Variants in ADAM12 observed in about 807,000 individuals in gnomAD.
ADAM12 encodes disintegrin and metalloproteinase domain-containing protein 12.
A neutral mutation model predicts 106.4 loss-of-function variants in ADAM12; 70 were observed. That is an observed-to-expected ratio of 0.66 (90% CI 0.54 to 0.80). The LOEUF (loss-of-function observed/expected upper bound fraction) is 0.80. Among genes scored for constraint, ADAM12 ranks in the 30% least tolerant of loss-of-function variants. The pLI is 0.00. For synonymous variants in ADAM12, 420 were observed against 433.5 expected (o/e 0.97, Z 0.39); for missense variants, 1,010 against 1,171.9 (o/e 0.86, Z 2.02).
chr10:126,102,646 G>A (rs747706131), intron 8 of ADAM12, among the ~76,000 whole-genome samples: 1 of 152,310 alleles, frequency 6.6e-6, no homozygotes, highest in East Asian at 1.9e-4. Context: ...AATATATGCT[G>A]ATTGCATTGG....
intron 1 of ADAM12, among the ~76,000 whole-genome samples, chr10:126,360,100 G>T (rs566431884): frequency 6.6e-6 from 1 of 152,290 alleles, no homozygotes; most frequent in South Asian, 2.1e-4. Flanking sequence ...CAGCTGGAAT[G>T]CAGGGTACCA....
chr10:126,265,343 G>A (rs899347948), intron 3 of ADAM12, among the ~76,000 whole-genome samples: 2 of 152,182 alleles, frequency 1.3e-5, no homozygotes, highest in South Asian at 2.1e-4. Context: ...AATAAAAGAA[G>A]AAAGAATGAT....
At chr10:126,264,728 G>GT (rs1959065125) in intron 3 of ADAM12, among the ~76,000 whole-genome samples, 1 of 151,878 alleles carries the variant, frequency 6.6e-6, no homozygotes, top group South Asian at 2.1e-4. Context: ...TTGTTTTTTT[G>GT]TTTTTTGTTT....
intron 2 of ADAM12, among the ~76,000 whole-genome samples, chr10:126,301,547 C>T (rs1008445190): frequency 6.6e-6 from 1 of 152,050 alleles, no homozygotes; most frequent in African/African-American, 2.4e-5. Context: ...GAAGAACCTC[C>T]ACATTTCTAG....
In ADAM12 at chr10:126,274,734, G is replaced by A. The variant is rs567263302; in HGVS notation, c.260+4181C>T. Among the ~76,000 whole-genome samples the A allele has an allele frequency of 1.2e-3, 184 of 152,260 alleles. 1 individual carries two copies. The highest frequency in any genetic ancestry group is 3.2e-3 in the African/African-American group (134 of 41,538). On this transcript the variant is annotated intron_variant, in intron 3 of 22. Coordinates refer to ENST00000448723, the MANE Select transcript of ADAM12 (RefSeq NM_001288973.2). Reference sequence around the variant, plus strand: ...AAGGCCACCGGCAGCAACCTCAGTCGCCCTCTTCAACATGGGTTGGGTCAA... The same window carrying A: ...AAGGCCACCGGCAGCAACCTCAGTCACCCTCTTCAACATGGGTTGGGTCAA...
intron 2 of ADAM12, among the ~76,000 whole-genome samples, chr10:126,288,632 G>C (rs796238105): frequency 1.3e-5 from 2 of 152,054 alleles, no homozygotes; most frequent in African/African-American, 4.8e-5. Flanking sequence ...GTGGCCCCAA[G>C]GACAGGACCA....
At chr10:126,379,738 G>A (rs1357505005) in intron 1 of ADAM12, among the ~76,000 whole-genome samples, 1 of 126,640 alleles carries the variant, frequency 7.9e-6, no homozygotes, top group Non-Finnish European at 1.7e-5. Context: ...TGTACTCCCA[G>A]TATTTCAATT....
At chr10:126,213,469 A>C (rs145959324) in intron 3 of ADAM12, among the ~76,000 whole-genome samples, 1 of 152,362 alleles carries the variant, frequency 6.6e-6, no homozygotes, top group Non-Finnish European at 1.5e-5. Context: ...CAAGAAGCTA[A>C]TAATTGATCA....
chr10:126,059,912 T>G (rs530148831), intron 14 of ADAM12, among the ~76,000 whole-genome samples: 21 of 152,254 alleles, frequency 1.4e-4, no homozygotes, highest in Non-Finnish European at 7.3e-5. Flanking sequence ...GTAAAGGTCA[T>G]GTCATATTGA....
intron 6 of ADAM12, among the ~76,000 whole-genome samples, chr10:126,116,712 G>A (rs1955990167): frequency 6.6e-6 from 1 of 152,008 alleles, no homozygotes. Context: ...CAGAAGACGT[G>A]AGGGTTACAC....
rs182480088 is a variant in ADAM12, at chr10:126,151,178, G to T, written c.339+4049C>A. Among the ~76,000 whole-genome samples, 10 of 152,224 alleles carry T rather than the reference G, an allele frequency of 6.6e-5. 1 individual carries two copies. The highest frequency in any genetic ancestry group is 2.4e-4 in the African/African-American group (10 of 41,542). ...TTGCTGAGTGAATAGATGAAGAAAT[G>T]AATTTTACATGGCATCACCTAAGAC... is the stretch of plus-strand genomic sequence containing the variant. On this transcript the variant is annotated intron_variant, in intron 4 of 22. Transcript: ENST00000448723.
Position 126,381,119 on chromosome 10 carries a change from A to G in ADAM12, c.88+6939T>C, listed in dbSNP as rs1332737197. 2.6e-5 allele frequency among the ~76,000 whole-genome samples: 4 copies of G among 152,216 alleles called. No homozygotes were observed. In the East Asian group the frequency reaches 7.7e-4, roughly 29 times the overall value. On this transcript the variant is annotated intron_variant, in intron 1 of 22. Coordinates refer to ENST00000448723, the MANE Select transcript of ADAM12 (RefSeq NM_001288973.2). ...AGGTATATGTTGACTTTGAGTTTTT[A>G]TAGATTTTGAAAAGAAAGTTTTGAA...
In ADAM12 at chr10:126,157,867, G is replaced by C. The variant is rs115476335; in HGVS notation, c.261-2562C>G. Among the ~76,000 whole-genome samples the C allele has an allele frequency of 6.5e-3, 994 of 152,348 alleles. 10 individuals are homozygous for C. The highest frequency in any genetic ancestry group is 0.021 in the African/African-American group (887 of 41,576). On this transcript the variant is annotated intron_variant, in intron 3 of 22. Transcript: ENST00000448723. ...GTCATGAGCAAAGGAGAGGAAGAGG[G>C]GAAGGAGAGCAGGCAAGGCAGTGGG...
At chr10:126,085,730 TTATC>T (rs1447139082) in intron 11 of ADAM12, among the ~76,000 whole-genome samples, 5 of 152,162 alleles carry the variant, frequency 3.3e-5, no homozygotes, top group African/African-American at 9.7e-5. Flanking sequence ...TACCTATTAT[TTATC>T]TATCCTTCCT....
intron 16 of ADAM12, among the ~76,000 whole-genome samples, chr10:126,047,143 G>A (rs1473329757): frequency 6.6e-6 from 1 of 152,230 alleles, no homozygotes; most frequent in Non-Finnish European, 1.5e-5. Flanking sequence ...CTCAAGGGAT[G>A]CAGCCCTTTA....
chr10:126,049,459 G>T lies in ADAM12; in HGVS notation c.1719-8C>A. The stretch of plus-strand genomic sequence containing the variant: ...TTTCCACATTTAGCATCTCTGGAAG[G>T]GTAAGAACAAACAATTCCCAAGGAG... On this transcript the variant is annotated splice_region_variant and splice_polypyrimidine_tract_variant and intron_variant, in intron 15 of 22. Transcript: ENST00000448723. The surrounding 1 kb of genome is among the most constrained non-coding windows in gnomAD (Gnocchi z 4.4). 6.2e-7 allele frequency: 1 copy of T among 1,614,058 alleles called. No homozygotes were observed. Among genetic ancestry groups the T allele is most frequent in the Non-Finnish European group, 8.5e-7 (1 of 1,179,994 alleles).
intron 11 of ADAM12, among the ~76,000 whole-genome samples, chr10:126,090,435 T>C (rs994574195): frequency 2.6e-5 from 4 of 152,120 alleles, no homozygotes; most frequent in Non-Finnish European, 5.9e-5. Context: ...AGTGTTCAAG[T>C]CATTCACAAT....
At chr10:126,099,959 A>G (rs1358795283) in intron 9 of ADAM12, among the ~76,000 whole-genome samples, 2 of 146,022 alleles carry the variant, frequency 1.4e-5, no homozygotes, top group African/African-American at 5.5e-5. Flanking sequence ...CATCTACTTC[A>G]TACTAATTTA....
chr10:126,226,666 T>C (rs1214501109), intron 3 of ADAM12, among the ~76,000 whole-genome samples: 1 of 152,148 alleles, frequency 6.6e-6, no homozygotes, highest in African/African-American at 2.4e-5. Context: ...ATGAGAAAAA[T>C]GCATGTAGAG....
Sources: allele counts gnomAD v4.1 joint callset (sites outside exome capture counted in the v4.1 genomes callset), GRCh38; gene constraint gnomAD v4.1.1; non-coding constraint Gnocchi (gnomAD v3.1); transcripts MANE v1.5; gene names NCBI Gene and HGNC (gene_info 2026-07-23, HGNC 2026-07-21).